The following ZNF611 variants were observed in gnomAD, a reference collection of about 807,000 sequenced individuals.
The protein encoded by ZNF611 is zinc finger protein 611.
Under a neutral mutation model 8.9 loss-of-function variants are expected in ZNF611, and 6 were observed. The observed-to-expected ratio is 0.68, with a 90% CI of 0.37 to 1.34. The LOEUF (loss-of-function observed/expected upper bound fraction) is 1.34. Among genes scored for constraint, ZNF611 ranks in the 40% most tolerant of loss-of-function variants. The pLI is 0.02. For synonymous variants in ZNF611, 262 were observed against 279.7 expected (o/e 0.94, Z 0.63); for missense variants, 874 against 841.3 (o/e 1.04, Z -0.48).
At chr19:52,725,036 C>T (rs951612818) in intron 3 of ZNF611, among the ~76,000 whole-genome samples, 2 of 152,166 alleles carry the variant, frequency 1.3e-5, no homozygotes, top group African/African-American at 2.4e-5. Flanking sequence ...TTCTACTGCT[C>T]TCTCAGTCCC....
At position 52,734,988 on chromosome 19, in the gene ZNF611, G is replaced by T; in HGVS notation, c.-222+13C>A. On this transcript the variant is annotated intron_variant, in intron 1 of 5. Coordinates refer to ENST00000652185, the MANE Select transcript of ZNF611 (RefSeq NM_001161499.2). ...GTTAGCGCAGACTTAATACAACACA[G>T]AGCAAAACTCACCGCGGCGATATGA... is the stretch of plus-strand genomic sequence containing the variant. 6.5e-6 allele frequency: 1 copy of T among 153,008 alleles called. No homozygotes were observed. Among genetic ancestry groups the T allele is most frequent in the South Asian group, 1.9e-4 (1 of 5,244 alleles). 9.5% of individuals were successfully genotyped at this position (153,008 alleles called of 1,614,324 possible). A position where few individuals can be genotyped will look rare whatever the true frequency, so the allele number is the denominator to read the frequency against.
intron 3 of ZNF611, among the ~76,000 whole-genome samples, chr19:52,726,727 T>G (rs1329194082): frequency 1.4e-5 from 2 of 146,566 alleles, no homozygotes; most frequent in South Asian, 2.1e-4. Flanking sequence ...CTTGTGTTTT[T>G]TTTTTTTTTT....
chr19:52,729,693 A>G (rs1215275055), intron 2 of ZNF611: 2 of 152,148 alleles, frequency 1.3e-5, no homozygotes, highest in Non-Finnish European at 2.9e-5. Context: ...ATTAGTCAGT[A>G]AACTATTGTA....
rs2062241725 is a variant in ZNF611, at chr19:52,706,101, A to G, written c.954T>C (p.Asn318=). The G allele has an allele frequency of 6.2e-7, 1 of 1,613,730 alleles. No individual in the cohort carries two copies. Among genetic ancestry groups the G allele is most frequent in the Admixed American group, 1.7e-5 (1 of 59,948 alleles). Residue 318 remains asparagine (N), a synonymous_variant, in exon 6 of 6, where the codon AAT becomes AAC. Transcript: ENST00000652185. ...TTTGACCAAAGATCTTGCCACACTC[A>G]TTACAATTGTAACGTTTTACTCCAG... ...LHTGVKRYNC[N]ECGKIFGQNS...
intron 5 of ZNF611, among the ~76,000 whole-genome samples, chr19:52,712,795 TATTA>T (rs2062289740): frequency 6.6e-6 from 1 of 152,142 alleles, no homozygotes; most frequent in South Asian, 2.1e-4. Context: ...TGACATTATT[TATTA>T]TAGTAAAGAG....
chr19:52,715,641 C>T (rs1037773173), intron 4 of ZNF611, among the ~76,000 whole-genome samples, 191 bp downstream of exon 4: 1 of 152,144 alleles, frequency 6.6e-6, no homozygotes, highest in African/African-American at 2.4e-5. Flanking sequence ...GAGCCTCTTC[C>T]CAAGTTCATG....
At chr19:52,729,492 CAAAAAAAAAAAAAA>C (rs397859789) in intron 2 of ZNF611, among the ~76,000 whole-genome samples, 1 of 42,354 alleles carries the variant, frequency 2.4e-5, no homozygotes, top group Non-Finnish European at 3.6e-5. Flanking sequence ...GACTCCATCT[CAAAAAAAAAAAAAA>C]AAAAAAAAAA....
intron 5 of ZNF611, among the ~76,000 whole-genome samples, chr19:52,709,241 T>C (rs2062264378): frequency 6.6e-6 from 1 of 152,110 alleles, no homozygotes; most frequent in Non-Finnish European, 1.5e-5. Context: ...TATTTTTTCT[T>C]TCTTTTTTTC....
Position 52,706,354 on chromosome 19 carries a change from T to C in ZNF611, c.701A>G (p.Asn234Ser), listed in dbSNP as rs3884051. ...ACAATTAAAGGCTTTGCCACTCTTA[T>C]TACATTGGAAAGATTTTTCTCTCAT... The part of the protein sequence containing the change: ...VHMREKSFQC[N>S]KSGKAFNCSS... The change falls in exon 6 of 6, where the codon AAT becomes AGT. Residue 234 changes from asparagine to serine, a missense_variant. Transcript: ENST00000652185. The C allele has an allele frequency of 1.1e-5, 17 of 1,614,196 alleles. No homozygotes were observed. Among genetic ancestry groups the C allele is most frequent in the Non-Finnish European group, 1.3e-5 (15 of 1,180,036 alleles).
At position 52,706,522 on chromosome 19, in the gene ZNF611, T is replaced by C. The variant is rs1200349379; in HGVS notation, c.533A>G (p.Asn178Ser). 2 of 1,614,076 alleles carry C rather than the reference T, an allele frequency of 1.2e-6. No homozygotes were observed. The highest frequency in any genetic ancestry group is 1.7e-5 in the Admixed American group (1 of 60,000). ...HIFQIKGEIG[N>S]QLEKSTNDAP... ...ATCATTAGTAGACTTCTCAAGTTGA[T>C]TACCAATTTCACCTTTGATCTGAAA... is the stretch of plus-strand genomic sequence containing the variant. Residue 178 changes from asparagine (N) to serine (S), a missense_variant, in exon 6 of 6, where the codon AAT (asparagine) becomes AGT (serine). Physicochemically the swap from Asn to Ser is conservative, Grantham distance 46 (BLOSUM62 1). Transcript: ENST00000652185.
intron 3 of ZNF611, among the ~76,000 whole-genome samples, chr19:52,726,416 CTTTTTATTTA>C (rs2062393800): frequency 6.6e-6 from 1 of 152,010 alleles, no homozygotes; most frequent in African/African-American, 2.4e-5. Context: ...CTTTTCTTTC[CTTTTTATTTA>C]TTTTTATTTT....
rs1439104939 is a variant in ZNF611, at chr19:52,705,531, T to C, written c.1524A>G (p.Gln508=). The change falls in exon 6 of 6, where the codon CAA becomes CAG. Residue 508 remains glutamine (Q), a synonymous_variant. Coordinates refer to ENST00000652185, the MANE Select transcript of ZNF611 (RefSeq NM_001161499.2). ...TTTCACATTCATCACATTTGTAAGG[T>C]TGCTCCCCAGTATGAATTGACTTAT... is the stretch of plus-strand genomic sequence containing the variant. ...LIHKSIHTGE[Q]PYKCDECEKV... is the part of the protein sequence containing the mutation. 6.8e-6 allele frequency: 11 copies of C among 1,614,138 alleles called. No homozygotes were observed. Among genetic ancestry groups the C allele is most frequent in the Middle Eastern group, 1.6e-4 (1 of 6,062 alleles).
At chr19:52,708,980 CATAAAAT>C (rs1259297368) in intron 5 of ZNF611, 2 of 152,140 alleles carry the variant, frequency 1.3e-5, no homozygotes, top group South Asian at 4.1e-4. Context: ...GTTCACTATG[CATAAAAT>C]ATAAAACATA....
chr19:52,712,831 A>G (rs925559813), intron 5 of ZNF611, among the ~76,000 whole-genome samples: 1 of 152,204 alleles, frequency 6.6e-6, no homozygotes, highest in Admixed American at 6.5e-5. Context: ...CCAGATGTCC[A>G]TTGACAGATA....
At chr19:52,734,520 G>A (rs2062445096) in intron 1 of ZNF611, among the ~76,000 whole-genome samples, 1 of 103,930 alleles carries the variant, frequency 9.6e-6, no homozygotes, top group African/African-American at 4.0e-5. Flanking sequence ...CCCGGCATGA[G>A]GAGGAAGGTG....
intron 4 of ZNF611, among the ~76,000 whole-genome samples, chr19:52,714,514 A>C (rs868593066): frequency 3.4e-4 from 51 of 150,894 alleles, no homozygotes; most frequent in South Asian, 2.3e-3. Flanking sequence ...GTGGTGAAAA[A>C]CTGTCTCTCC....
intron 5 of ZNF611, among the ~76,000 whole-genome samples, chr19:52,712,221 A>G (rs2062284721): frequency 6.6e-6 from 1 of 151,814 alleles, no homozygotes; most frequent in African/African-American, 2.4e-5. Flanking sequence ...AAACACACAC[A>G]CAAAAAAACA....
chr19:52,730,648 G>A (rs1286723160), intron 1 of ZNF611, among the ~76,000 whole-genome samples: 2 of 151,496 alleles, frequency 1.3e-5, no homozygotes, highest in East Asian at 2.0e-4. Flanking sequence ...GCAATGTCAC[G>A]ATCTTGGCTC....
At chr19:52,732,993 C>T (rs4801931) in intron 1 of ZNF611, among the ~76,000 whole-genome samples, 97,381 of 151,574 alleles carry the variant, frequency 0.64, 31,544 homozygotes, top group African/African-American at 0.72. Context: ...TATTTTGTAA[C>T]AACAGACAGT....
Sources: gnomAD v4.1 joint callset for allele counts (sites outside exome capture counted in the v4.1 genomes callset) on GRCh38, gnomAD v4.1.1 for gene constraint, MANE v1.5 for transcripts, NCBI Gene and HGNC (gene_info 2026-07-23, HGNC 2026-07-21) for gene names.